The following PRDM11 variants were observed in gnomAD, a reference collection of about 807,000 sequenced individuals.
The protein encoded by PRDM11 is PR domain-containing protein 11.
A neutral mutation model predicts 97.8 loss-of-function variants in PRDM11; 20 were observed. That is an observed-to-expected ratio of 0.20 (90% confidence interval 0.14 to 0.30). The LOEUF (loss-of-function observed/expected upper bound fraction) is 0.30. PRDM11 is among the 10% of genes least tolerant of loss of function. PRDM11 has a pLI of 1.00. For synonymous variants in PRDM11, 599 were observed against 637.7 expected, an observed-to-expected ratio of 0.94 and a Z score of 0.91; for missense variants, 1,139 against 1,555.2, an observed-to-expected ratio of 0.73 and a Z score of 4.50.
In PRDM11 at chr11:45,214,184, G is replaced by A. The variant is rs531521812; in HGVS notation, c.555-5386G>A. The stretch of plus-strand genomic sequence containing the variant: ...GCCTCTGCTTGCTCGGGCTGCCTAC[G>A]CACTAGCTACATACACCTCTAGCTT... On this transcript the variant is annotated intron_variant, in intron 5 of 7. Transcript: ENST00000683152. 1.3e-3 allele frequency: 242 copies of A among 187,310 alleles called. 2 individuals carry two copies. Among genetic ancestry groups the A allele is most frequent in the African/African-American group, 5.0e-3 (214 of 42,622 alleles). The allele number at this position is 187,310 out of a possible 1,614,324, so 11.6% of individuals were successfully genotyped here.
At chr11:45,145,447 A>G (rs1420884430), upstream of PRDM11, among the ~76,000 whole-genome samples, 2 of 152,198 alleles carry the variant, frequency 1.3e-5, no homozygotes, top group African/African-American at 4.8e-5. Context: ...CCATCTGCGG[A>G]TCGCCAGCAG....
intron 5 of PRDM11, chr11:45,208,939 T>G (rs1853613596): frequency 2.2e-6 from 1 of 456,560 alleles, no homozygotes; most frequent in African/African-American, 2.0e-5. Flanking sequence ...CTGGACATTC[T>G]TGTCACAGAG....
chr11:45,173,758 G>C (rs1852261250), intron 1 of PRDM11, among the ~76,000 whole-genome samples: 1 of 152,148 alleles, frequency 6.6e-6, no homozygotes, highest in African/African-American at 2.4e-5. Context: ...CATTTTCCAT[G>C]ACCCCAGCAG....
chr11:45,097,301 A>G (rs1306054561), intron 1 of PRDM11, among the ~76,000 whole-genome samples: 1 of 152,214 alleles, frequency 6.6e-6, no homozygotes, highest in Non-Finnish European at 1.5e-5. Context: ...TGTAAACTGA[A>G]GGCACTGGAC....
At chr11:45,200,415 T>G (rs1189896442) in intron 4 of PRDM11, among the ~76,000 whole-genome samples, 3 of 152,244 alleles carry the variant, frequency 2.0e-5, no homozygotes, top group Non-Finnish European at 4.4e-5. Context: ...GACTGTTCAC[T>G]GAGTGTCTTC....
rs1162092750 is a variant in PRDM11 at position 45,227,833 on chromosome 11, C to G, written c.3208C>G (p.Leu1070Val). The change falls in exon 8 of 8, where the codon CTC (leucine) becomes GTC (valine). Residue 1070 changes from leucine (L) to valine (V), a missense_variant. Leu to Val is a conservative substitution (Grantham distance 32). This residue lies in a region of PRDM11 where 710 missense variants were observed against 1,044.9 expected (regional missense o/e 0.68). Transcript: ENST00000683152. The surrounding 1 kb of genome is among the most constrained non-coding windows in gnomAD (Gnocchi z 8.0). The part of the protein sequence containing the change: ...HICKYKQRFP[L>V]LNKIIQVLKV... ...TTGCAAGTACAAACAGAGGTTTCCA[C>G]TCTTGAACAAGATCATCCAGGTTCT... The G allele has an allele frequency of 2.0e-6, 3 of 1,533,958 alleles. No homozygotes were observed. In the South Asian group the frequency reaches 3.6e-5, roughly 18 times the overall value.
chr11:45,138,258 T>G (rs1037409364), intron 1 of PRDM11, among the ~76,000 whole-genome samples: 6 of 152,080 alleles, frequency 3.9e-5, no homozygotes, highest in Non-Finnish European at 7.4e-5. Flanking sequence ...AGAGAAAACA[T>G]TGCAGTCATT....
In PRDM11 at chr11:45,224,698, C is replaced by A. The variant is rs766668191; in HGVS notation, c.1224C>A (p.Thr408=). The A allele has an allele frequency of 5.6e-6, 9 of 1,614,192 alleles. No homozygotes were observed. The African/African-American group carries it at 9.3e-5, about 17-fold the overall frequency. ...CTGACCCTCATGAACTTCCCACCAC[C>A]TCTTTTTGCCCTAACTGTATTCGCC... is the stretch of plus-strand genomic sequence containing the variant. ...LASDPHELPT[T]SFCPNCIRLK... Residue 408 remains threonine, a synonymous_variant, in exon 7 of 8, where the codon ACC becomes ACA. Coordinates refer to ENST00000683152, the MANE Select transcript of PRDM11 (RefSeq NM_001384648.1).
rs537139851 is a variant in PRDM11 at position 45,107,756 on chromosome 11, T to C, written c.96+11855T>C. On this transcript the variant is annotated intron_variant, in intron 1 of 6. Transcript: ENST00000530656. The stretch of plus-strand genomic sequence containing the variant: ...TAGATTTGCGTGGCATTGTACAAAT[T>C]AAACTAGTTAATATACATAAAGGCT... Among the ~76,000 whole-genome samples the C allele has an allele frequency of 1.6e-3, 238 of 152,230 alleles. 4 individuals are homozygous for C. The highest frequency in any genetic ancestry group is 0.011 in the South Asian group (54 of 4,824).
chr11:45,174,139 A>T (rs139123027), intron 1 of PRDM11, among the ~76,000 whole-genome samples: 11 of 152,318 alleles, frequency 7.2e-5, no homozygotes, highest in African/African-American at 2.4e-4. Flanking sequence ...ATCATACAGT[A>T]TGAGTCTGTA....
chr11:45,098,862 A>T (rs1282497332), intron 1 of PRDM11, among the ~76,000 whole-genome samples: 3 of 152,160 alleles, frequency 2.0e-5, no homozygotes, highest in African/African-American at 7.2e-5. Flanking sequence ...GTGAGGCTAG[A>T]AGACCCCCAA....
chr11:45,201,941 C>G (rs1439106009), intron 4 of PRDM11, among the ~76,000 whole-genome samples: 1 of 151,918 alleles, frequency 6.6e-6, no homozygotes, highest in Non-Finnish European at 1.5e-5. Flanking sequence ...CACTGCACTC[C>G]AGCCTGGGTG....
chr11:45,186,025 A>C (rs1852692272), intron 4 of PRDM11, among the ~76,000 whole-genome samples: 1 of 151,936 alleles, frequency 6.6e-6, no homozygotes, highest in Non-Finnish European at 1.5e-5. Flanking sequence ...CAGCTTCTGG[A>C]AGCCAGAAAA....
At chr11:45,187,830 G>A (rs866055263) in intron 4 of PRDM11, among the ~76,000 whole-genome samples, 4 of 140,296 alleles carry the variant, frequency 2.9e-5, no homozygotes, top group Non-Finnish European at 4.9e-5. Context: ...GTGTGTGTGT[G>A]TGTATGTGTG....
chr11:45,217,214 A>G (rs1853981352), intron 5 of PRDM11, among the ~76,000 whole-genome samples: 1 of 152,180 alleles, frequency 6.6e-6, no homozygotes, highest in South Asian at 2.1e-4. Flanking sequence ...AGCTATGGAG[A>G]AAAGACTGAC....
chr11:45,140,553 C>A (rs1851379270), intron 1 of PRDM11, among the ~76,000 whole-genome samples: 1 of 152,176 alleles, frequency 6.6e-6, no homozygotes, highest in South Asian at 2.1e-4. Context: ...CCAACCTTGG[C>A]TTACACACCT....
intron 1 of PRDM11, among the ~76,000 whole-genome samples, chr11:45,114,633 G>A (rs1290248714): frequency 2.0e-5 from 3 of 152,128 alleles, no homozygotes; most frequent in East Asian, 1.9e-4. Context: ...GCACATCATA[G>A]TCTAAAGATC....
At chr11:45,197,366 A>T (rs967132452) in intron 4 of PRDM11, among the ~76,000 whole-genome samples, 2 of 152,186 alleles carry the variant, frequency 1.3e-5, no homozygotes, top group Admixed American at 6.5e-5. Context: ...GGGAAATATT[A>T]GTCCAAGGGT....
intron 4 of PRDM11, among the ~76,000 whole-genome samples, chr11:45,186,780 C>T (rs1486661285): frequency 2.0e-5 from 3 of 152,162 alleles, no homozygotes; most frequent in Non-Finnish European, 2.9e-5. Flanking sequence ...TACTCTTCCT[C>T]GAAACAGTCC....
Sources: allele counts gnomAD v4.1 joint callset (sites outside exome capture counted in the v4.1 genomes callset), GRCh38; gene constraint gnomAD v4.1.1; regional missense constraint gnomAD v4.1.1; non-coding constraint Gnocchi (gnomAD v3.1); transcripts MANE v1.5; gene names NCBI Gene and HGNC (gene_info 2026-07-23, HGNC 2026-07-21).